The following KIFAP3 variants were observed in gnomAD, a reference collection of about 807,000 sequenced individuals.
The protein encoded by KIFAP3 is kinesin-associated protein 3.
In KIFAP3, 68 loss-of-function variants were observed where a neutral mutation model predicts 106.5. The observed-to-expected ratio is 0.64, with a 90% confidence interval of 0.53 to 0.78. The LOEUF (loss-of-function observed/expected upper bound fraction) is 0.78. KIFAP3 is among the 30% of genes least tolerant of loss of function. The probability of loss-of-function intolerance (pLI) is 0.00; values close to 1 mark genes in which losing one functional copy is unlikely to be tolerated. For synonymous variants in KIFAP3, 320 were observed against 311.5 expected (o/e 1.03, Z -0.29); for missense variants, 780 against 941.8 (o/e 0.83, Z 2.25).
chr1:169,980,149 G>A (rs1161476371), intron 15 of KIFAP3, among the ~76,000 whole-genome samples: 3 of 152,134 alleles, frequency 2.0e-5, no homozygotes, highest in South Asian at 4.1e-4. Context: ...GCACTTCTAA[G>A]GTACTGGTAA....
intron 10 of KIFAP3, among the ~76,000 whole-genome samples, chr1:169,993,573 A>G (rs1320427174): frequency 6.6e-6 from 1 of 150,928 alleles, no homozygotes; most frequent in African/African-American, 2.4e-5. Context: ...AGAATTAGAG[A>G]CAAAGATTTG....
chr1:170,045,330 C>T (rs1242242069), intron 3 of KIFAP3, among the ~76,000 whole-genome samples: 1 of 151,960 alleles, frequency 6.6e-6, no homozygotes, highest in Non-Finnish European at 1.5e-5. Flanking sequence ...GTGGAGGTCC[C>T]AAAATAACCC....
chr1:169,981,095 A>G (rs752519387), intron 15 of KIFAP3, among the ~76,000 whole-genome samples: 4 of 152,118 alleles, frequency 2.6e-5, no homozygotes, highest in Non-Finnish European at 5.9e-5. Flanking sequence ...GAGCAAAACT[A>G]TGTCTCAAAA....
intron 11 of KIFAP3, among the ~76,000 whole-genome samples, chr1:169,988,749 A>T (rs992476309): frequency 1.3e-5 from 2 of 152,024 alleles, no homozygotes; most frequent in African/African-American, 4.8e-5. Context: ...GGGTGGCAAT[A>T]AAACCACGTC....
chr1:169,932,658 T>C (rs1482263032), intron 19 of KIFAP3, among the ~76,000 whole-genome samples: 1 of 150,862 alleles, frequency 6.6e-6, no homozygotes, highest in African/African-American at 2.4e-5. Context: ...CTCTCTTATA[T>C]GAATAAAAAA....
intron 19 of KIFAP3, among the ~76,000 whole-genome samples, chr1:169,928,699 CAAAAAAAA>C (rs10690029): frequency 3.4e-4 from 13 of 37,784 alleles, no homozygotes; most frequent in South Asian, 1.5e-3. Flanking sequence ...ACCCTGTCTC[CAAAAAAAA>C]AAAAAAAAAA....
intron 17 of KIFAP3, among the ~76,000 whole-genome samples, chr1:169,962,614 T>A (rs892668578): frequency 6.6e-6 from 1 of 152,134 alleles, no homozygotes; most frequent in Admixed American, 6.5e-5. Flanking sequence ...GTAGACCAAA[T>A]ATATATTTTA....
At chr1:169,960,950 G>A (rs1474434474) in intron 18 of KIFAP3, 96 bp downstream of exon 18, 4 of 827,472 alleles carry the variant, frequency 4.8e-6, no homozygotes, top group Non-Finnish European at 7.4e-6. Context: ...TAAACTAAAA[G>A]AAGTGCTTAT....
chr1:169,934,098 T>C (rs1196109208), intron 19 of KIFAP3, among the ~76,000 whole-genome samples: 2 of 152,116 alleles, frequency 1.3e-5, no homozygotes, highest in African/African-American at 2.4e-5. Context: ...TAGAAATGCT[T>C]AGGAAATTCT....
Position 170,032,165 on chromosome 1 carries a change from A to C in KIFAP3, c.743-181T>G, listed in dbSNP as rs543763365. The C allele has an allele frequency of 2.8e-5, 14 of 495,434 alleles. No homozygotes were observed. In the South Asian group the frequency reaches 4.2e-4, roughly 15 times the overall value. 30.7% of individuals were successfully genotyped at this position (495,434 alleles called of 1,614,324 possible). A position where few individuals can be genotyped will look rare whatever the true frequency, so the allele number is the denominator to read the frequency against. On this transcript the variant is annotated intron_variant, in intron 7 of 19. Transcript: ENST00000361580. The stretch of plus-strand genomic sequence containing the variant: ...GTGCTGTAACAGCACTTCTTATTTA[A>C]GTGCTCATGGATTCCCTGGGAGTCT...
At position 169,951,846 on chromosome 1, in the gene KIFAP3, CT is replaced by C. The variant is rs529287178; in HGVS notation, c.2273+2164del. Among the ~76,000 whole-genome samples, 12 of 151,706 alleles carry C rather than the reference CT, an allele frequency of 7.9e-5. No homozygotes were observed. In the South Asian group the frequency reaches 2.5e-3, roughly 31 times the overall value. On this transcript the variant is annotated intron_variant, in intron 19 of 19. Transcript: ENST00000361580. ...CAGGAGATACAAAAATAATGTTTTG[CT>C]AAAAGTAAAACATAAATGGCAGAAT...
rs527248037 is a variant in KIFAP3 at position 170,069,099 on chromosome 1, C to T, written c.32+5337G>A. On this transcript the variant is annotated intron_variant, in intron 1 of 19. Transcript: ENST00000361580. The stretch of plus-strand genomic sequence containing the variant: ...AATTACAAGAGAATAATATGAACAC[C>T]AACAAATTGGATAACCTACATGAAA... Among the ~76,000 whole-genome samples, 6 of 151,976 alleles carry T rather than the reference C, an allele frequency of 3.9e-5. No individual in the cohort carries two copies. In the East Asian group the frequency reaches 9.6e-4, roughly 24 times the overall value.
chr1:169,983,431 T>C, intron 12 of KIFAP3, 49 bp from the exon 13 acceptor site: 1 of 1,308,812 alleles, frequency 7.6e-7, no homozygotes, highest in South Asian at 1.3e-5. Flanking sequence ...TTAAGTTTAA[T>C]AATTTTTTGT....
intron 19 of KIFAP3, among the ~76,000 whole-genome samples, chr1:169,943,916 A>C (rs1664275475): frequency 6.6e-6 from 1 of 152,214 alleles, no homozygotes; most frequent in Admixed American, 6.5e-5. Context: ...AACATTTTTA[A>C]AGGTTCCAGT....
chr1:170,003,202 T>C (rs965830556), intron 10 of KIFAP3, among the ~76,000 whole-genome samples: 2 of 152,174 alleles, frequency 1.3e-5, no homozygotes, highest in Non-Finnish European at 2.9e-5. Context: ...TGTGTCTAAG[T>C]GCTTACTTTC....
intron 19 of KIFAP3, among the ~76,000 whole-genome samples, chr1:169,939,208 A>G (rs1344473425): frequency 6.6e-6 from 1 of 152,172 alleles, no homozygotes; most frequent in Admixed American, 6.6e-5. Flanking sequence ...GGCATGGAAT[A>G]GGGTACTAAC....
chr1:169,988,253 GA>G (rs558976645), intron 11 of KIFAP3, among the ~76,000 whole-genome samples: 347 of 152,014 alleles, frequency 2.3e-3, no homozygotes, highest in African/African-American at 7.7e-3. Context: ...ACTTAAAATG[GA>G]CTATAAATGG....
intron 18 of KIFAP3, among the ~76,000 whole-genome samples, chr1:169,959,018 C>T (rs1332397027): frequency 1.3e-5 from 2 of 151,972 alleles, no homozygotes; most frequent in Non-Finnish European, 2.9e-5. Flanking sequence ...TAGCACATGC[C>T]ATTTCATTTT....
chr1:170,078,506 T>G (rs1206501987), upstream of KIFAP3, among the ~76,000 whole-genome samples: 1 of 152,148 alleles, frequency 6.6e-6, no homozygotes, highest in Non-Finnish European at 1.5e-5. Flanking sequence ...ATTCTACAGG[T>G]ATAAAAATGA....
Sources: allele counts gnomAD v4.1 joint callset (sites outside exome capture counted in the v4.1 genomes callset), GRCh38; gene constraint gnomAD v4.1.1; transcripts MANE v1.5; gene names NCBI Gene and HGNC (gene_info 2026-07-23, HGNC 2026-07-21).